The following APOOL variants were observed in gnomAD, a reference collection of about 807,000 sequenced individuals.
The protein encoded by APOOL is MICOS complex subunit MIC27.
APOOL carries 12 observed loss-of-function variants against 23.1 expected under a neutral mutation model. The observed-to-expected ratio is 0.52, with a 90% CI of 0.33 to 0.84. The LOEUF is 0.84. Ranked by LOEUF, APOOL falls within the 40% of genes least tolerant of loss-of-function variation. APOOL has a pLI of 0.02. For synonymous variants in APOOL, 77 were observed against 69.9 expected, an observed-to-expected ratio of 1.10 and a Z score of -0.51; for missense variants, 212 against 199.6, an observed-to-expected ratio of 1.06 and a Z score of -0.37.
At position 85,092,667 on chromosome X, in the gene APOOL, A is replaced by G; in HGVS notation, c.*4989A>G. On this transcript the variant is annotated 3_prime_UTR_variant, in exon 9 of 9. Coordinates refer to ENST00000373173, the MANE Select transcript of APOOL (RefSeq NM_198450.6). ...ACTCTATGCAAGACACTATGTGTGAATAATACTTCCAAATATAGTAGTTAC... is the reference window on the plus strand; with the variant it reads ...ACTCTATGCAAGACACTATGTGTGAGTAATACTTCCAAATATAGTAGTTAC... 1 of 727,148 alleles carries G rather than the reference A, an allele frequency of 1.4e-6. No individual in the cohort carries two copies. The highest frequency in any genetic ancestry group is 1.9e-6 in the Non-Finnish European group (1 of 515,279). The allele number at this position is 727,148 out of a possible 1,213,427, so 59.9% of individuals were successfully genotyped here.
At chrX:85,071,183 C>T (rs1411908706) in intron 6 of APOOL, among the ~76,000 whole-genome samples, 1 of 110,105 alleles carries the variant, frequency 9.1e-6, no homozygotes, top group African/African-American at 3.3e-5. Flanking sequence ...TGAAATACGG[C>T]GAGTATTTCA....
chrX:85,060,512 C>T (rs1275908731), intron 5 of APOOL, among the ~76,000 whole-genome samples: 2 of 109,691 alleles, frequency 1.8e-5, no homozygotes, highest in Non-Finnish European at 3.8e-5. Context: ...TACCCATGAG[C>T]ATGGAATGTT....
rs770450748 is a variant in APOOL at position 85,066,846 on chromosome X, T to G, written c.395-281T>G. Among the ~76,000 whole-genome samples, 4 of 110,390 alleles carry G rather than the reference T, an allele frequency of 3.6e-5. No homozygotes were observed. The South Asian group carries it at 1.6e-3, about 43-fold the overall frequency. On this transcript the variant is annotated intron_variant, in intron 5 of 8. Transcript: ENST00000373173. ...GGTTTCGTAGGACATGAAAAATACC[T>G]AGCTTTCAAGCAGAAGAAAATCATC...
chrX:85,082,982 G>A (rs919398036), intron 8 of APOOL, among the ~76,000 whole-genome samples: 2 of 111,513 alleles, frequency 1.8e-5, no homozygotes, highest in African/African-American at 3.3e-5. Flanking sequence ...TCAGTCAGAA[G>A]CTTGGGAGTG....
intron 8 of APOOL, among the ~76,000 whole-genome samples, chrX:85,081,243 T>G (rs1021712147): frequency 1.8e-5 from 2 of 111,928 alleles, no homozygotes; most frequent in Middle Eastern, 9.1e-3. Flanking sequence ...TTCCTTTCCA[T>G]GTTTAGTGCT....
At chrX:85,081,808 A>G (rs900866140) in intron 8 of APOOL, among the ~76,000 whole-genome samples, 2 of 111,275 alleles carry the variant, frequency 1.8e-5, no homozygotes, top group Non-Finnish European at 3.8e-5. Context: ...TTTTGTCTCT[A>G]AACTTCTCTT....
Position 85,067,214 on chromosome X carries a change from C to T in APOOL, c.482C>T (p.Ala161Val). 1 of 1,124,956 alleles carries T rather than the reference C, an allele frequency of 8.9e-7. No homozygotes were observed. The allele number at this position is 1,124,956 out of a possible 1,213,427, so 92.7% of individuals were successfully genotyped here. ...TACCCAGTTCAGTCCGTAATAATTG[C>T]TAAGGTAAGTTCTTTTTAAATAATA... is the stretch of plus-strand genomic sequence containing the variant. ...VCYPVQSVII[A>V]KVTAKKVYAT... Residue 161 changes from alanine to valine, a missense_variant, in exon 6 of 9, where the codon GCT (alanine) becomes GTT (valine). Ala to Val is a moderately conservative substitution (Grantham distance 64). Transcript: ENST00000373173.
intron 5 of APOOL, among the ~76,000 whole-genome samples, chrX:85,058,645 G>A (rs1351621541): frequency 3.6e-5 from 4 of 111,284 alleles, no homozygotes; most frequent in Admixed American, 9.6e-5. Context: ...TTGAGGAATC[G>A]CCACATTATC....
intron 3 of APOOL, among the ~76,000 whole-genome samples, chrX:85,051,884 A>T (rs1265244671): frequency 1.8e-5 from 2 of 112,024 alleles, no homozygotes; most frequent in African/African-American, 3.2e-5. Flanking sequence ...GTCAGATATA[A>T]CTTACTTGGG....
intron 1 of APOOL, among the ~76,000 whole-genome samples, chrX:85,004,343 G>A (rs1012636381): frequency 8.9e-6 from 1 of 112,081 alleles, no homozygotes; most frequent in East Asian, 2.8e-4. Context: ...TGAAACATTT[G>A]GGGTGAAACT....
intron 2 of APOOL, among the ~76,000 whole-genome samples, chrX:85,050,577 TAGG>T (rs1026371886): frequency 1.9e-5 from 2 of 104,265 alleles, no homozygotes; most frequent in African/African-American, 3.5e-5. Flanking sequence ...CCAGGCTTCA[TAGG>T]AGGATTTATA....
At chrX:85,081,282 T>G (rs1349809258) in intron 8 of APOOL, among the ~76,000 whole-genome samples, 4 of 111,837 alleles carry the variant, frequency 3.6e-5, no homozygotes, top group Non-Finnish European at 7.5e-5. Flanking sequence ...AAGACAGGCC[T>G]GATGTTGACA....
intron 8 of APOOL, among the ~76,000 whole-genome samples, chrX:85,076,493 G>A (rs1163380467): frequency 9.1e-6 from 1 of 110,441 alleles, no homozygotes; most frequent in African/African-American, 3.3e-5. Flanking sequence ...GACAATAATA[G>A]TTCTCACATG....
chrX:85,005,613 C>T (rs1418709440), intron 1 of APOOL, among the ~76,000 whole-genome samples: 1 of 111,341 alleles, frequency 9.0e-6, no homozygotes, highest in Non-Finnish European at 1.9e-5. Flanking sequence ...ATTATATTAA[C>T]CTTTGTATCC....
chrX:85,038,691 T>TGA (rs1922308965), intron 1 of APOOL, among the ~76,000 whole-genome samples: 1 of 109,247 alleles, frequency 9.2e-6, no homozygotes, highest in Non-Finnish European at 1.9e-5. Context: ...TTCTAGCTTG[T>TGA]GTTCATAGAG....
rs754715389 is a variant in APOOL, at chrX:85,087,725, C to T, written c.*47C>T. On this transcript the variant is annotated 3_prime_UTR_variant, in exon 9 of 9. Transcript: ENST00000373173. ...ACACAGAAAACTACAAGATGTGTGG[C>T]GTTGCAAATAATGATGAAAATAAAT... 4 of 1,024,768 alleles carry T rather than the reference C, an allele frequency of 3.9e-6. No homozygotes were observed. Among genetic ancestry groups the T allele is most frequent in the Non-Finnish European group, 5.3e-6 (4 of 761,161 alleles). The allele number at this position is 1,024,768 out of a possible 1,213,427, so 84.5% of individuals were successfully genotyped here. A position where few individuals can be genotyped will look rare whatever the true frequency, so the allele number is the denominator to read the frequency against.
chrX:85,009,956 A>G (rs1484191103), intron 1 of APOOL, among the ~76,000 whole-genome samples: 1 of 112,169 alleles, frequency 8.9e-6, no homozygotes, highest in East Asian at 2.8e-4. Context: ...AGCTCCATCC[A>G]TGTTCATGCA....
At chrX:85,015,281 C>G (rs901306222) in intron 1 of APOOL, among the ~76,000 whole-genome samples, 6 of 110,383 alleles carry the variant, frequency 5.4e-5, no homozygotes, top group African/African-American at 2.0e-4. Context: ...GTGGTATCTC[C>G]TTGAGTAGTT....
At chrX:85,067,256 T>A in intron 6 of APOOL, 38 bp downstream of exon 6, 1 of 901,290 alleles carries the variant, frequency 1.1e-6, no homozygotes, top group Non-Finnish European at 1.6e-6. Flanking sequence ...TTTCAGTATT[T>A]GTTTAAACTC....
Sources: gnomAD v4.1 joint callset for allele counts (sites outside exome capture counted in the v4.1 genomes callset) on GRCh38, gnomAD v4.1.1 for gene constraint, MANE v1.5 for transcripts, NCBI Gene and HGNC (gene_info 2026-07-23, HGNC 2026-07-21) for gene names.